SUSD1: variants seen among roughly 807,000 people sequenced by gnomAD.
SUSD1 encodes sushi domain containing 1.
A neutral mutation model predicts 86.9 loss-of-function variants in SUSD1; 65 were observed. The observed-to-expected ratio is 0.75, with a 90% CI of 0.61 to 0.92. The LOEUF is 0.92. Among genes scored for constraint, SUSD1 ranks in the 40% least tolerant of loss-of-function variants. SUSD1 has a pLI of 0.00. For missense variants in SUSD1, 850 were observed against 929.7 expected, an observed-to-expected ratio of 0.91 and a Z score of 1.11; for synonymous variants, 346 against 350.0, an observed-to-expected ratio of 0.99 and a Z score of 0.13.
chr9:112,042,933 G>T (rs1031227502), intron 15 of SUSD1, among the ~76,000 whole-genome samples: 1 of 101,204 alleles, frequency 9.9e-6, no homozygotes, highest in Non-Finnish European at 1.9e-5. Flanking sequence ...ACTTGAAACC[G>T]CCTTTTTAAA....
At chr9:112,081,823 G>C (rs775091384) in intron 10 of SUSD1, among the ~76,000 whole-genome samples, 1 of 152,160 alleles carries the variant, frequency 6.6e-6, no homozygotes, top group South Asian at 2.1e-4. Context: ...AGAATACAGA[G>C]AGTATCATTA....
chr9:112,140,065 A>C (rs1369905559), intron 5 of SUSD1, among the ~76,000 whole-genome samples: 2 of 135,396 alleles, frequency 1.5e-5, no homozygotes, highest in Non-Finnish European at 3.1e-5. Context: ...ATCTCTATAA[A>C]AAATACAAAA....
Position 112,142,450 on chromosome 9 carries a change from T to A in SUSD1, c.576A>T (p.Gly192=). 2 of 1,614,076 alleles carry A rather than the reference T, an allele frequency of 1.2e-6. No individual in the cohort carries two copies. The highest frequency in any genetic ancestry group is 2.2e-5 in the South Asian group (2 of 91,076). Residue 192 remains glycine, a synonymous_variant, in exon 5 of 17, where the codon GGA becomes GGT. Coordinates refer to ENST00000374270, the MANE Select transcript of SUSD1 (RefSeq NM_022486.5). The part of the protein sequence containing the change: ...PPEVPDGYII[G]NYTSSLGSQV... ...GGCTGCCCAGACTAGACGTATAATT[T>A]CCTATGATATAGCCATCTGGAACCT...
At chr9:112,045,510 T>C (rs886735440) in intron 15 of SUSD1, among the ~76,000 whole-genome samples, 1 of 81,566 alleles carries the variant, frequency 1.2e-5, no homozygotes, top group Admixed American at 1.0e-4. Context: ...ATTATTGTTA[T>C]TATGCGTGCC....
At chr9:112,121,764 A>G (rs560985278) in intron 6 of SUSD1, among the ~76,000 whole-genome samples, 29 of 152,368 alleles carry the variant, frequency 1.9e-4, no homozygotes, top group African/African-American at 6.7e-4. Flanking sequence ...AGAGCCAAGC[A>G]AGTCAACAGC....
intron 9 of SUSD1, among the ~76,000 whole-genome samples, chr9:112,099,668 T>C (rs1830544995): frequency 6.6e-6 from 1 of 152,182 alleles, no homozygotes. Context: ...GATCAGCCCT[T>C]GATCAGTTAG....
intron 12 of SUSD1, among the ~76,000 whole-genome samples, chr9:112,068,729 G>A (rs536805298): frequency 5.3e-4 from 81 of 151,428 alleles, no homozygotes; most frequent in African/African-American, 1.6e-3. Context: ...ATTTTTAGCC[G>A]TTCTGCACTT....
At chr9:112,103,121 A>G (rs1349660357) in intron 8 of SUSD1, 2 of 458,848 alleles carry the variant, frequency 4.4e-6, no homozygotes, top group Admixed American at 5.2e-5. Flanking sequence ...AAGCTATTTT[A>G]TAACTACCTT....
At chr9:112,151,715 A>T (rs572652033) in intron 2 of SUSD1, among the ~76,000 whole-genome samples, 64 of 152,068 alleles carry the variant, frequency 4.2e-4, no homozygotes, top group African/African-American at 1.4e-3. Flanking sequence ...CATCCTGGCC[A>T]ACAAGGTGAA....
intron 2 of SUSD1, among the ~76,000 whole-genome samples, chr9:112,153,361 G>A (rs946988507): frequency 1.3e-5 from 2 of 151,992 alleles, no homozygotes; most frequent in Admixed American, 1.3e-4. Flanking sequence ...TGTTATCACT[G>A]TCTTCCGCTT....
chr9:112,088,388 A>C (rs1830068014), intron 10 of SUSD1, among the ~76,000 whole-genome samples: 2 of 152,254 alleles, frequency 1.3e-5, no homozygotes, highest in Non-Finnish European at 2.9e-5. Context: ...CAACTGAAAA[A>C]CTGAGAGGAA....
At chr9:112,150,398 T>G (rs2131792834) in intron 2 of SUSD1, among the ~76,000 whole-genome samples, 1 of 152,380 alleles carries the variant, frequency 6.6e-6, no homozygotes, top group African/African-American at 2.4e-5. Context: ...GTTTGTTACT[T>G]CGTGTTTTAT....
chr9:112,173,899 C>T (rs1834154377), intron 1 of SUSD1: 1 of 267,918 alleles, frequency 3.7e-6, no homozygotes, highest in South Asian at 4.1e-5. Context: ...CTTTGTGATC[C>T]GGGTTTCATG....
chr9:112,084,602 GT>G (rs1382826643), intron 10 of SUSD1, among the ~76,000 whole-genome samples: 3 of 152,124 alleles, frequency 2.0e-5, no homozygotes, highest in Non-Finnish European at 4.4e-5. Flanking sequence ...CTCCATTCAA[GT>G]GGCTTTACAG....
At chr9:112,073,439 C>T (rs1450440100) in intron 12 of SUSD1, among the ~76,000 whole-genome samples, 4 of 152,118 alleles carry the variant, frequency 2.6e-5, no homozygotes, top group Non-Finnish European at 4.4e-5. Flanking sequence ...TCCACATTTA[C>T]GTATGTATTG....
intron 2 of SUSD1, among the ~76,000 whole-genome samples, chr9:112,157,154 T>C (rs911678067): frequency 1.3e-5 from 2 of 152,206 alleles, no homozygotes; most frequent in African/African-American, 2.4e-5. Context: ...AGTACTAATA[T>C]AGTTTTATAT....
At chr9:112,152,351 CGAA>C in intron 2 of SUSD1, among the ~76,000 whole-genome samples, 1 of 151,688 alleles carries the variant, frequency 6.6e-6, no homozygotes, top group Non-Finnish European at 1.5e-5. Context: ...TACAGCTGTA[CGAA>C]GAATTTTTTT....
At chr9:112,137,992 G>T (rs1013874408) in intron 5 of SUSD1, 3 of 151,628 alleles carry the variant, frequency 2.0e-5, no homozygotes, top group African/African-American at 7.3e-5. Context: ...GGAGGCCAAG[G>T]TGGGCGGATC....
chr9:112,126,057 T>C (rs1331050183), intron 5 of SUSD1, among the ~76,000 whole-genome samples: 1 of 152,236 alleles, frequency 6.6e-6, no homozygotes, highest in African/African-American at 2.4e-5. Context: ...CCTTTAGACG[T>C]ATTTAATGGC....
Sources: allele counts gnomAD v4.1 joint callset (sites outside exome capture counted in the v4.1 genomes callset), GRCh38; gene constraint gnomAD v4.1.1; transcripts MANE v1.5; gene names NCBI Gene and HGNC (gene_info 2026-07-23, HGNC 2026-07-21).